The following MDFIC2 variants were observed in gnomAD, a reference collection of about 807,000 sequenced individuals.
The protein encoded by MDFIC2 is myoD family inhibitor domain-containing protein 2.
intron 2 of MDFIC2, among the ~76,000 whole-genome samples, chr3:70,246,161 G>A (rs1219427703): frequency 2.0e-5 from 3 of 151,834 alleles, no homozygotes; most frequent in African/African-American, 7.3e-5. Context: ...CTATTTAAAA[G>A]CATAAAGTAT....
At chr3:70,244,008 C>T (rs1701682881) in intron 2 of MDFIC2, among the ~76,000 whole-genome samples, 1 of 152,134 alleles carries the variant, frequency 6.6e-6, no homozygotes, top group African/African-American at 2.4e-5. Context: ...TTTCATCTCC[C>T]CTCTACGCAA....
intron 3 of MDFIC2, among the ~76,000 whole-genome samples, chr3:70,202,252 T>C (rs1458195312): frequency 6.6e-6 from 1 of 152,148 alleles, no homozygotes; most frequent in Non-Finnish European, 1.5e-5. Context: ...ATGGCCTATT[T>C]GATAGTGGTC....
intron 2 of MDFIC2, among the ~76,000 whole-genome samples, chr3:70,216,571 TA>T (rs1701414256): frequency 6.6e-6 from 1 of 152,102 alleles, no homozygotes; most frequent in African/African-American, 2.4e-5. Flanking sequence ...TGTTCCTAAC[TA>T]ATAGGCTATA....
At chr3:70,204,805 T>G (rs138428206) in intron 3 of MDFIC2, 1 of 152,126 alleles carries the variant, frequency 6.6e-6, no homozygotes, top group African/African-American at 2.4e-5. Context: ...ATAGGTCAGA[T>G]CAGAGTGATT....
intron 3 of MDFIC2, among the ~76,000 whole-genome samples, chr3:70,206,173 T>C (rs1356743425): frequency 2.0e-5 from 3 of 152,066 alleles, no homozygotes; most frequent in Non-Finnish European, 4.4e-5. Flanking sequence ...ATGCTGTCTA[T>C]ATTTATATAT....
chr3:70,214,122 A>G (rs1206599084), intron 2 of MDFIC2, among the ~76,000 whole-genome samples: 4 of 152,156 alleles, frequency 2.6e-5, no homozygotes, highest in Non-Finnish European at 2.9e-5. Context: ...GGAGTATTCA[A>G]TTGCTACATC....
At chr3:70,308,834 A>G (rs1702429109) in intron 2 of MDFIC2, among the ~76,000 whole-genome samples, 1 of 152,096 alleles carries the variant, frequency 6.6e-6, no homozygotes, top group Non-Finnish European at 1.5e-5. Flanking sequence ...TGTTGCTTGC[A>G]TGTTCACTCT....
At chr3:70,261,586 T>C (rs1056566466) in intron 2 of MDFIC2, among the ~76,000 whole-genome samples, 20 of 152,184 alleles carry the variant, frequency 1.3e-4, no homozygotes, top group African/African-American at 4.6e-4. Flanking sequence ...CCCTTTTTGG[T>C]TTCCCTGACA....
rs1218799158 is a variant in MDFIC2 at position 70,287,317 on chromosome 3, A to C, written c.88+24569T>G. On this transcript the variant is annotated intron_variant, in intron 2 of 3. Coordinates refer to ENST00000567252, the MANE Select transcript of MDFIC2 (RefSeq NM_001364677.1). ...CTTTTCTGCATCTATTGAGATAATC[A>C]TGTGGTTTTTGTCTTTGGCTGTGTT... Among the ~76,000 whole-genome samples the C allele has an allele frequency of 8.9e-5, 13 of 145,474 alleles. No individual in the cohort carries two copies. The East Asian group carries it at 2.2e-3, about 24-fold the overall frequency.
At chr3:70,291,995 A>G (rs1236869300) in intron 2 of MDFIC2, 2 of 152,212 alleles carry the variant, frequency 1.3e-5, no homozygotes, top group Non-Finnish European at 2.9e-5. Flanking sequence ...TCTATCATAT[A>G]CAAGACACGA....
intron 2 of MDFIC2, among the ~76,000 whole-genome samples, chr3:70,302,040 A>G (rs2106702345): frequency 6.6e-6 from 1 of 152,212 alleles, no homozygotes. Flanking sequence ...AAGAAGAAGA[A>G]TTGCCTGATG....
chr3:70,270,039 A>T (rs972996573), intron 2 of MDFIC2, among the ~76,000 whole-genome samples: 8 of 152,228 alleles, frequency 5.3e-5, no homozygotes, highest in African/African-American at 1.9e-4. Context: ...TAAATCCATG[A>T]GTTTATTTTT....
intron 2 of MDFIC2, among the ~76,000 whole-genome samples, chr3:70,267,193 C>A (rs187491748): frequency 4.2e-4 from 64 of 152,040 alleles, no homozygotes; most frequent in African/African-American, 1.5e-3. Flanking sequence ...TACTTAATTC[C>A]CCCTTATGTT....
rs1233589167 is a variant in MDFIC2 at position 70,214,483 on chromosome 3, A to G, written c.89-7693T>C. On this transcript the variant is annotated intron_variant, in intron 2 of 3. Transcript: ENST00000567252. ...TATTCCTCCAGAAATAATAGAAGTG[A>G]GTGTTCAAGGTGAAAAGGATTAAAG... 2.0e-5 allele frequency among the ~76,000 whole-genome samples: 3 copies of G among 152,054 alleles called. No individual in the cohort carries two copies. The East Asian group carries it at 5.8e-4, about 29-fold the overall frequency.
At chr3:70,231,710 C>T (rs915941433) in intron 2 of MDFIC2, among the ~76,000 whole-genome samples, 1 of 152,012 alleles carries the variant, frequency 6.6e-6, no homozygotes, top group African/African-American at 2.4e-5. Context: ...CAGAGATACA[C>T]GGAGAGAAGA....
intron 2 of MDFIC2, among the ~76,000 whole-genome samples, chr3:70,280,387 C>T (rs12634491): frequency 0.066 from 10,110 of 152,168 alleles, 389 homozygotes; most frequent in East Asian, 0.16. Flanking sequence ...ACCTGACATT[C>T]TGGGTGGCCA....
At chr3:70,257,254 T>C (rs1359362893) in intron 2 of MDFIC2, among the ~76,000 whole-genome samples, 1 of 152,218 alleles carries the variant, frequency 6.6e-6, no homozygotes, top group African/African-American at 2.4e-5. Context: ...ACCTGGCACA[T>C]CTGGCCATTC....
intron 2 of MDFIC2, among the ~76,000 whole-genome samples, chr3:70,293,328 G>C (rs1200600291): frequency 1.3e-5 from 2 of 152,124 alleles, no homozygotes; most frequent in Non-Finnish European, 2.9e-5. Flanking sequence ...TGATATAGTT[G>C]TATATGTGTG....
chr3:70,283,633 T>G (rs2106684337), intron 2 of MDFIC2: 1 of 152,172 alleles, frequency 6.6e-6, no homozygotes, highest in Non-Finnish European at 1.5e-5. Flanking sequence ...ATTAAAGGGA[T>G]TCATGCTGGG....
Sources: gnomAD v4.1 joint callset for allele counts (sites outside exome capture counted in the v4.1 genomes callset) on GRCh38, gnomAD v4.1.1 for gene constraint, MANE v1.5 for transcripts, NCBI Gene and HGNC (gene_info 2026-07-23, HGNC 2026-07-21) for gene names.